ZNF638: variants seen among roughly 807,000 people sequenced by gnomAD.
ZNF638 encodes the protein zinc finger protein 638.
Under a neutral mutation model 195.6 loss-of-function variants are expected in ZNF638, and 46 were observed. The observed-to-expected ratio is 0.24, with a 90% CI of 0.19 to 0.30. ZNF638 has a LOEUF of 0.30. Ranked by LOEUF, ZNF638 falls within the 10% of genes least tolerant of loss-of-function variation. ZNF638 has a pLI of 1.00. For synonymous variants in ZNF638, 845 were observed against 772.0 expected (o/e 1.09, Z -1.57); for missense variants, 2,440 against 2,325.3 (o/e 1.05, Z -1.01).
chr2:71,360,058 C>G (rs2079083098), intron 3 of ZNF638, among the ~76,000 whole-genome samples: 1 of 152,152 alleles, frequency 6.6e-6, no homozygotes, highest in Non-Finnish European at 1.5e-5. Flanking sequence ...AAGTGAGGCA[C>G]AGAGACAATT....
chr2:71,393,430 A>T, intron 10 of ZNF638: 1 of 718,632 alleles, frequency 1.4e-6, no homozygotes, highest in Non-Finnish European at 2.6e-6. Context: ...ATCAGACCAT[A>T]CCATGGCGTG....
chr2:71,425,947 G>A (rs887651579), intron 23 of ZNF638, among the ~76,000 whole-genome samples: 3 of 152,218 alleles, frequency 2.0e-5, no homozygotes, highest in Non-Finnish European at 4.4e-5. Context: ...GAGCCACCAC[G>A]CCCGGCCTGT....
intron 10 of ZNF638, among the ~76,000 whole-genome samples, chr2:71,386,899 G>A (rs1233906395): frequency 1.3e-5 from 2 of 151,420 alleles, no homozygotes. Context: ...CCAGGCTGGA[G>A]TTCAGTTGTG....
chr2:71,355,898 ATTGTC>A, intron 3 of ZNF638, 118 bp downstream of exon 3: 1 of 503,350 alleles, frequency 2.0e-6, no homozygotes, highest in Non-Finnish European at 3.3e-6. Flanking sequence ...TTGGAAAGCT[ATTGTC>A]TTTTAAAAAT....
At chr2:71,360,151 TA>T (rs1238940992) in intron 3 of ZNF638, among the ~76,000 whole-genome samples, 1 of 152,164 alleles carries the variant, frequency 6.6e-6, no homozygotes, top group East Asian at 1.9e-4. Context: ...TTTTATGGCT[TA>T]AAAAATTTTC....
intron 20 of ZNF638, among the ~76,000 whole-genome samples, chr2:71,410,386 G>C (rs2080189431): frequency 1.3e-5 from 2 of 151,872 alleles, no homozygotes; most frequent in South Asian, 4.2e-4. Context: ...TTTTGTGTGT[G>C]TGTGTGTGTA....
In ZNF638 at chr2:71,427,405, C is replaced by T; in HGVS notation, c.5536C>T (p.His1846Tyr). 1 of 1,559,962 alleles carries T rather than the reference C, an allele frequency of 6.4e-7. No individual in the cohort carries two copies. The highest frequency in any genetic ancestry group is 8.6e-7 in the Non-Finnish European group (1 of 1,162,148). ...EEDLKTMIER[H>Y]LTAKTPTKRV... ...AGATCTAAAAACCATGATTGAAAGA[C>T]ACTTAACAGGTAGATACTTGGAAGG... The change falls in exon 24 of 28, where the codon CAC becomes TAC. Residue 1846 changes from histidine to tyrosine, a missense_variant. By Grantham distance (83) the His-to-Tyr change is moderately conservative. Transcript: ENST00000264447.
At chr2:71,402,928 G>T (rs1332528622) in intron 16 of ZNF638, among the ~76,000 whole-genome samples, 5 of 152,104 alleles carry the variant, frequency 3.3e-5, no homozygotes, top group Admixed American at 2.0e-4. Context: ...AGAAGAGAGT[G>T]AGTACAGGTG....
chr2:71,374,595 A>G (rs1211018112), intron 8 of ZNF638, among the ~76,000 whole-genome samples: 2 of 152,246 alleles, frequency 1.3e-5, no homozygotes, highest in Non-Finnish European at 2.9e-5. Flanking sequence ...AATTCGTGAT[A>G]GTATTTTTAC....
At chr2:71,369,279 CGCCG>C (rs2079263534) in intron 7 of ZNF638, among the ~76,000 whole-genome samples, 1 of 147,630 alleles carries the variant, frequency 6.8e-6, no homozygotes, top group Non-Finnish European at 1.5e-5. Context: ...CTAGAGATGG[CGCCG>C]CTGCACTCTA....
chr2:71,377,929 TG>T (rs2104340900), intron 8 of ZNF638, among the ~76,000 whole-genome samples: 1 of 152,378 alleles, frequency 6.6e-6, no homozygotes, highest in Admixed American at 6.5e-5. Context: ...AAAAAGATTA[TG>T]ATTCGTTGTA....
chr2:71,365,805 G>A (rs944853927), intron 6 of ZNF638, 99 bp downstream of exon 6: 3 of 1,164,680 alleles, frequency 2.6e-6, no homozygotes, highest in East Asian at 5.2e-5. Context: ...CTGCAGCCTC[G>A]ATCTCCTGGG....
At chr2:71,385,619 C>A (rs2079621556) in intron 10 of ZNF638, among the ~76,000 whole-genome samples, 1 of 152,104 alleles carries the variant, frequency 6.6e-6, no homozygotes, top group Admixed American at 6.6e-5. Context: ...AATTTCAGAG[C>A]TAAGTACACA....
At chr2:71,388,591 C>G (rs1201744362) in intron 10 of ZNF638, 1 of 776,626 alleles carries the variant, frequency 1.3e-6, no homozygotes, top group Admixed American at 1.8e-5. Flanking sequence ...ATACCTGTGT[C>G]TGCGTACTTT....
In ZNF638 at chr2:71,423,868, A is replaced by G; in HGVS notation, c.4354A>G (p.Ser1452Gly). 9 of 1,614,130 alleles carry G rather than the reference A, an allele frequency of 5.6e-6. No individual in the cohort carries two copies. Among genetic ancestry groups the G allele is most frequent in the Non-Finnish European group, 7.6e-6 (9 of 1,180,014 alleles). ...AAGTGCCAGGTCAGGCTTGGCAGAA[A>G]GCAGCAGTAAATTCAAACCTACTCA... Reference protein sequence around the residue: ...PTSARSGLAESSSKFKPTQSS... With the variant: ...PTSARSGLAEGSSKFKPTQSS... The change falls in exon 22 of 28, where the codon AGC becomes GGC. Residue 1452 changes from serine to glycine, a missense_variant. By Grantham distance (56) the Ser-to-Gly change is moderately conservative. This residue lies in a region of ZNF638 where 1,883 missense variants were observed against 1,739.1 expected (regional missense o/e 1.08). Coordinates refer to ENST00000264447, the MANE Select transcript of ZNF638 (RefSeq NM_014497.5).
chr2:71,388,572 T>G (rs751604123), intron 10 of ZNF638: 34 of 758,994 alleles, frequency 4.5e-5, no homozygotes, highest in South Asian at 6.9e-5. Context: ...CTAGCTGCGC[T>G]CACGCAAAAT....
chr2:71,392,420 A>G (rs2079800505), intron 10 of ZNF638, among the ~76,000 whole-genome samples: 2 of 152,196 alleles, frequency 1.3e-5, no homozygotes, highest in Admixed American at 6.5e-5. Flanking sequence ...TACTGGCCCT[A>G]GAAACCGAAT....
chr2:71,402,006 A>T lies in ZNF638; in HGVS notation c.2748A>T (p.Gly916=), dbSNP rs1558870709. Residue 916 remains glycine (G), a synonymous_variant, in exon 16 of 28, where the codon GGA becomes GGT. Transcript: ENST00000264447. ...TTGTCTCTAATTTGCCTAATAAAGGATATTCTGTAGAAGAAGTTTATGACT... is the reference window on the plus strand; with the variant it reads ...TTGTCTCTAATTTGCCTAATAAAGGTTATTCTGTAGAAGAAGTTTATGACT... ...VMLVSNLPNK[G]YSVEEVYDLA... 1 of 1,606,834 alleles carries T rather than the reference A, an allele frequency of 6.2e-7. No individual in the cohort carries two copies. Among genetic ancestry groups the T allele is most frequent in the East Asian group, 2.2e-5 (1 of 44,646 alleles).
At chr2:71,407,346 C>G (rs2080126310) in intron 19 of ZNF638, 3 of 152,084 alleles carry the variant, frequency 2.0e-5, no homozygotes, top group Admixed American at 2.0e-4. Context: ...CATTTTTAAT[C>G]CTCTATTTAA....
Sources: allele counts gnomAD v4.1 joint callset (sites outside exome capture counted in the v4.1 genomes callset), GRCh38; gene constraint gnomAD v4.1.1; regional missense constraint gnomAD v4.1.1; transcripts MANE v1.5; gene names NCBI Gene and HGNC (gene_info 2026-07-23, HGNC 2026-07-21).